PIWIL1: variants seen among roughly 807,000 people sequenced by gnomAD.
The protein encoded by PIWIL1 is piwi like RNA-mediated gene silencing 1.
PIWIL1 carries 73 observed loss-of-function variants against 114.4 expected under a neutral mutation model. The observed-to-expected ratio is 0.64, with a 90% CI of 0.53 to 0.78. The LOEUF (loss-of-function observed/expected upper bound fraction) is 0.78, where lower values mean the gene tolerates loss of function less well. Ranked by LOEUF, PIWIL1 falls within the 30% of genes least tolerant of loss-of-function variation. The probability of loss-of-function intolerance (pLI) is 0.00; values close to 1 mark genes in which losing one functional copy is unlikely to be tolerated. For missense variants in PIWIL1, 723 were observed against 1,063.1 expected (o/e 0.68, Z 4.45); for synonymous variants, 375 against 369.0 (o/e 1.02, Z -0.19).
chr12:130,345,956 G>A (rs748588972), intron 4 of PIWIL1, 78 bp downstream of exon 4: 1 of 1,496,592 alleles, frequency 6.7e-7, no homozygotes, highest in Non-Finnish European at 9.1e-7. Context: ...TTTAGTTTAG[G>A]TGTTTATTTG....
chr12:130,409,494 C>T, the PIWIL1 span, among the ~76,000 whole-genome samples: 1 of 152,154 alleles, frequency 6.6e-6, no homozygotes, highest in Admixed American at 6.5e-5. Context: ...AGGCGCCCGC[C>T]ACCACGCCCG....
chr12:130,356,398 G>A (rs533838635), intron 12 of PIWIL1, among the ~76,000 whole-genome samples: 11 of 151,646 alleles, frequency 7.3e-5, no homozygotes, highest in Admixed American at 1.3e-4. Flanking sequence ...TCCCCTGCGT[G>A]AGGCCAGGCA....
At chr12:130,355,216 C>G (rs1374507142) in intron 11 of PIWIL1, among the ~76,000 whole-genome samples, 4 of 152,158 alleles carry the variant, frequency 2.6e-5, no homozygotes, top group Non-Finnish European at 5.9e-5. Context: ...CTTTGCAGTG[C>G]GTAGTCTTTC....
intron 3 of PIWIL1, among the ~76,000 whole-genome samples, chr12:130,344,625 A>G (rs1461167001): frequency 6.6e-6 from 1 of 152,240 alleles, no homozygotes; most frequent in African/African-American, 2.4e-5. Flanking sequence ...GTTTGTGGTC[A>G]GAAGAGAACT....
chr12:130,338,613 G>A (rs28711901), intron 1 of PIWIL1, among the ~76,000 whole-genome samples: 15 of 18,268 alleles, frequency 8.2e-4, no homozygotes, highest in Admixed American at 2.3e-3. Context: ...CAGGTGCGGG[G>A]GATGCAGGAG....
chr12:130,402,793 T>C, the PIWIL1 span, among the ~76,000 whole-genome samples: 2 of 152,232 alleles, frequency 1.3e-5, no homozygotes, highest in Non-Finnish European at 1.5e-5. Flanking sequence ...TGCACACTCC[T>C]CTGGATTATC....
chr12:130,412,893 T>C, the PIWIL1 span: 3 of 1,093,242 alleles, frequency 2.7e-6, no homozygotes, highest in Non-Finnish European at 3.9e-6. Context: ...ATTTTAAATA[T>C]AGTTTAAAAA....
chr12:130,402,392 G>A, the PIWIL1 span, among the ~76,000 whole-genome samples: 1 of 152,086 alleles, frequency 6.6e-6, no homozygotes, highest in Non-Finnish European at 1.5e-5. Context: ...CAGTCAGAAC[G>A]CTGGATAAGA....
chr12:130,382,391 T>C, the PIWIL1 span, among the ~76,000 whole-genome samples: 1 of 152,240 alleles, frequency 6.6e-6, no homozygotes, highest in Non-Finnish European at 1.5e-5. Flanking sequence ...TCCTCATTGC[T>C]GCCTCTGCAG....
At chr12:130,375,141 C>T (rs1482482926), downstream of PIWIL1, among the ~76,000 whole-genome samples, 1 of 152,202 alleles carries the variant, frequency 6.6e-6, no homozygotes, top group African/African-American at 2.4e-5. Flanking sequence ...TTCCTCCTTG[C>T]AGATGGTAGC....
exon 21 of PIWIL1, chr12:130,372,597 C>CAAAAAAAAAAAAAAAAAAAAA (rs60262232): frequency 1.5e-5 from 1 of 67,882 alleles, no homozygotes; most frequent in African/African-American, 6.9e-5. Context: ...GACTCCGTCT[C>CAAAAAAAAAAAAAAAAAAAAA]AAAAAAAAAA....
chr12:130,421,730 T>C, the PIWIL1 span, among the ~76,000 whole-genome samples: 311 of 152,074 alleles, frequency 2.0e-3, no homozygotes, highest in Middle Eastern at 0.014. Flanking sequence ...TGTGTTTTCA[T>C]AGAAGCCTGG....
intron 10 of PIWIL1, 62 bp from the exon 11 acceptor site, chr12:130,354,826 C>T: frequency 7.1e-7 from 1 of 1,415,592 alleles, no homozygotes; most frequent in Non-Finnish European, 9.9e-7. Flanking sequence ...ACCCTATACT[C>T]CAGTTATTTA....
Position 130,349,232 on chromosome 12 carries a change from C to T in PIWIL1, c.735-7C>T, listed in dbSNP as rs117552783. The T allele has an allele frequency of 0.013, 20,158 of 1,609,448 alleles. 159 individuals carry two copies. Among genetic ancestry groups the T allele is most frequent in the Non-Finnish European group, 0.015 (17,974 of 1,175,930 alleles). ...AGGTTCTTCATGACCCCCATCTCGT[C>T]TGACAGGTTGGTGATTTGGCCTGGC... On this transcript the variant is annotated splice_region_variant and splice_polypyrimidine_tract_variant and intron_variant, in intron 7 of 20. Transcript: ENST00000245255.
At chr12:130,412,823 A>C in the PIWIL1 span, 1 of 1,578,586 alleles carries the variant, frequency 6.3e-7, no homozygotes, top group Non-Finnish European at 8.6e-7. Context: ...AAGCACTGTA[A>C]TTGATTGGTT....
At chr12:130,354,820 T>C in intron 10 of PIWIL1, 68 bp from the exon 11 acceptor site, 1 of 1,402,872 alleles carries the variant, frequency 7.1e-7, no homozygotes, top group Admixed American at 1.8e-5. Context: ...ACCATCACCC[T>C]ATACTCCAGT....
In PIWIL1 at chr12:130,342,955, C is replaced by T. The variant is rs760918657; in HGVS notation, c.79-35C>T. On this transcript the variant is annotated intron_variant, in intron 2 of 20. Transcript: ENST00000245255. ...TTTTCTCTGGTGTCTGACCGCTTGACGAAAAGAATGTTCTTTATTTGCATG... is the reference window on the plus strand; with the variant it reads ...TTTTCTCTGGTGTCTGACCGCTTGATGAAAAGAATGTTCTTTATTTGCATG... The T allele has an allele frequency of 1.6e-5, 24 of 1,526,480 alleles. No individual in the cohort carries two copies. In the Admixed American group the frequency reaches 2.0e-4, roughly 13 times the overall value. 94.6% of individuals were successfully genotyped at this position (1,526,480 alleles called of 1,614,324 possible).
At chr12:130,376,455 C>T (rs1024707905), downstream of PIWIL1, among the ~76,000 whole-genome samples, 3 of 152,312 alleles carry the variant, frequency 2.0e-5, no homozygotes, top group Admixed American at 1.3e-4. Context: ...CGCAGAACTC[C>T]AAAGGAGTCT....
the PIWIL1 span, among the ~76,000 whole-genome samples, chr12:130,415,875 G>A: frequency 2.6e-3 from 392 of 152,156 alleles, 12 homozygotes; most frequent in East Asian, 0.069. Flanking sequence ...CAAAATCAAT[G>A]TATAAAAATC....
Sources: allele counts gnomAD v4.1 joint callset (sites outside exome capture counted in the v4.1 genomes callset), GRCh38; gene constraint gnomAD v4.1.1; transcripts MANE v1.5; gene names NCBI Gene and HGNC (gene_info 2026-07-23, HGNC 2026-07-21).